GRIK3: variants seen among roughly 807,000 people sequenced by gnomAD.
GRIK3 encodes glutamate receptor ionotropic, kainate 3.
In GRIK3, 29 loss-of-function variants were observed where a neutral mutation model predicts 102.5. The observed-to-expected ratio is 0.28, with a 90% CI of 0.21 to 0.39. GRIK3 has a LOEUF of 0.39. GRIK3 is among the 10% of genes least tolerant of loss of function. GRIK3 has a pLI of 1.00. For missense variants in GRIK3, 908 were observed against 1,252.4 expected (o/e 0.73, Z 4.15); for synonymous variants, 511 against 504.9 (o/e 1.01, Z -0.16).
At chr1:36,971,734 C>G (rs954272501) in intron 1 of GRIK3, among the ~76,000 whole-genome samples, 13 of 152,174 alleles carry the variant, frequency 8.5e-5, no homozygotes, top group African/African-American at 3.1e-4. Context: ...TCAAAGACTT[C>G]TAGGTGGATA....
intron 1 of GRIK3, among the ~76,000 whole-genome samples, chr1:36,944,568 G>A (rs531411746): frequency 6.6e-6 from 1 of 152,312 alleles, no homozygotes; most frequent in East Asian, 1.9e-4. Context: ...GCCAGAGCCA[G>A]ATCAGAAGGG....
intron 1 of GRIK3, among the ~76,000 whole-genome samples, chr1:36,915,223 T>G (rs1273288449): frequency 6.6e-6 from 1 of 152,198 alleles, no homozygotes; most frequent in South Asian, 2.1e-4. Flanking sequence ...AAGTTCTTCA[T>G]GCAGCTTAAT....
At chr1:36,848,476 C>T (rs1455694255) in intron 9 of GRIK3, among the ~76,000 whole-genome samples, 2 of 152,012 alleles carry the variant, frequency 1.3e-5, no homozygotes, top group Admixed American at 6.6e-5. Context: ...TATATTTTAG[C>T]TTTGTCACAC....
Position 36,801,524 on chromosome 1 carries a change from G to C in GRIK3, c.*327C>G, listed in dbSNP as rs1298039633. ...CTGTCTTCCATTTTCTGTGCCCTCT[G>C]CAGGGCTGCGGCAGAAACTTCTGAC... On this transcript the variant is annotated 3_prime_UTR_variant, in exon 16 of 16. Transcript: ENST00000373091. 1 of 239,136 alleles carries C rather than the reference G, an allele frequency of 4.2e-6. No individual in the cohort carries two copies. Among genetic ancestry groups the C allele is most frequent in the Non-Finnish European group, 8.1e-6 (1 of 123,934 alleles). The allele number at this position is 239,136 out of a possible 1,614,324, so 14.8% of individuals were successfully genotyped here.
At chr1:37,019,480 ACT>A (rs1257329360) in intron 1 of GRIK3, among the ~76,000 whole-genome samples, 2 of 152,100 alleles carry the variant, frequency 1.3e-5, no homozygotes, top group Non-Finnish European at 2.9e-5. Context: ...CAAGTGCAAG[ACT>A]CTGGTCTAAA....
At chr1:36,864,177 A>T (rs1369458525) in intron 5 of GRIK3, among the ~76,000 whole-genome samples, 6 of 152,148 alleles carry the variant, frequency 3.9e-5, no homozygotes, top group African/African-American at 1.4e-4. Context: ...GGGGCTAATT[A>T]ACTCAGGGTT....
At position 36,806,369 on chromosome 1, in the gene GRIK3, C is replaced by T. The variant is rs374888815; in HGVS notation, c.2092-43G>A. Reference sequence around the variant, plus strand: ...GGGTGATGCACACACCGTTACTAGGCGCACCAGGGACCAAGCACCGCATAC... The same window carrying T: ...GGGTGATGCACACACCGTTACTAGGTGCACCAGGGACCAAGCACCGCATAC... On this transcript the variant is annotated intron_variant, in intron 13 of 15. Transcript: ENST00000373091. This position sits in a 1 kb window ranked among gnomAD's most constrained non-coding sequence, Gnocchi z 4.0. The T allele has an allele frequency of 4.3e-5, 56 of 1,316,168 alleles. No homozygotes were observed. Among genetic ancestry groups the T allele is most frequent in the Admixed American group, 3.2e-4 (18 of 56,754 alleles). 81.5% of individuals were successfully genotyped at this position (1,316,168 alleles called of 1,614,324 possible). A position where few individuals can be genotyped will look rare whatever the true frequency, so the allele number is the denominator to read the frequency against.
At chr1:36,854,577 G>A (rs1416114541) in intron 7 of GRIK3, among the ~76,000 whole-genome samples, 2 of 152,158 alleles carry the variant, frequency 1.3e-5, no homozygotes, top group South Asian at 2.1e-4. Context: ...GGCTGCTTCT[G>A]TAAATGGTTT....
chr1:37,016,966 G>A (rs531021744), intron 1 of GRIK3, among the ~76,000 whole-genome samples: 4 of 152,228 alleles, frequency 2.6e-5, no homozygotes, highest in Admixed American at 2.6e-4. Context: ...TGTAATCCCA[G>A]CACTTTGGGA....
intron 1 of GRIK3, among the ~76,000 whole-genome samples, chr1:36,929,695 G>A (rs900627599): frequency 2.8e-4 from 42 of 152,186 alleles, no homozygotes; most frequent in Admixed American, 2.7e-3. Flanking sequence ...CCTGCCTTTG[G>A]AATTTCAGGG....
intron 1 of GRIK3, among the ~76,000 whole-genome samples, chr1:37,013,651 A>G (rs1215107746): frequency 6.6e-6 from 1 of 152,194 alleles, no homozygotes; most frequent in Non-Finnish European, 1.5e-5. Context: ...TGGATCCTCC[A>G]TTGCTGTATC....
At chr1:36,842,018 T>G in intron 9 of GRIK3, 79 bp from the exon 10 acceptor site, 1 of 1,136,594 alleles carries the variant, frequency 8.8e-7, no homozygotes, top group East Asian at 2.3e-5. Context: ...GAGTCAGGGC[T>G]AGGACCTCTG....
chr1:36,829,393 G>GT (rs1458863588), intron 10 of GRIK3, among the ~76,000 whole-genome samples: 1 of 151,512 alleles, frequency 6.6e-6, no homozygotes, highest in African/African-American at 2.4e-5. Context: ...CAACCCCATG[G>GT]TTTTTATTGT....
intron 1 of GRIK3, among the ~76,000 whole-genome samples, chr1:36,974,594 C>T (rs376667565): frequency 4.0e-5 from 6 of 151,744 alleles, no homozygotes; most frequent in South Asian, 4.2e-4. Context: ...GTCAGGAGAT[C>T]GAGACCATCC....
At chr1:36,860,359 G>T (rs74064793) in intron 5 of GRIK3, among the ~76,000 whole-genome samples, 10,328 of 152,248 alleles carry the variant, frequency 0.068, 1,090 homozygotes, top group African/African-American at 0.23. Flanking sequence ...AGCTTAATGA[G>T]GCTGCTTCCT....
intron 1 of GRIK3, among the ~76,000 whole-genome samples, chr1:37,019,099 G>A (rs190557971): frequency 2.0e-3 from 305 of 152,338 alleles, no homozygotes; most frequent in African/African-American, 7.1e-3. Flanking sequence ...CCTCACCAGA[G>A]GAGACAGACT....
At chr1:36,835,601 T>C (rs1640367586) in intron 10 of GRIK3, among the ~76,000 whole-genome samples, 1 of 152,168 alleles carries the variant, frequency 6.6e-6, no homozygotes, top group Non-Finnish European at 1.5e-5. Flanking sequence ...AATGGCATAA[T>C]CCCCTGCCTC....
chr1:36,839,449 A>G (rs1434012750), intron 10 of GRIK3, among the ~76,000 whole-genome samples: 2 of 152,268 alleles, frequency 1.3e-5, no homozygotes, highest in Non-Finnish European at 2.9e-5. Flanking sequence ...TGGAGCAGGT[A>G]TTATTATTCT....
At chr1:36,841,664 C>G (rs79962626) in intron 10 of GRIK3, 72 bp downstream of exon 10, 28 of 1,315,686 alleles carry the variant, frequency 2.1e-5, no homozygotes, top group Non-Finnish European at 3.0e-5. Flanking sequence ...CTGCCCAGCC[C>G]TGTGGTGCAG....
Sources: gnomAD v4.1 joint callset for allele counts (sites outside exome capture counted in the v4.1 genomes callset) on GRCh38, gnomAD v4.1.1 for gene constraint, Gnocchi (gnomAD v3.1) non-coding constraint, MANE v1.5 for transcripts, NCBI Gene and HGNC (gene_info 2026-07-23, HGNC 2026-07-21) for gene names.